Variants in TCERG1L observed in about 807,000 individuals in gnomAD.
TCERG1L encodes transcription elongation regulator 1-like protein.
Under a neutral mutation model 56.3 loss-of-function variants are expected in TCERG1L, and 37 were observed. The ratio of observed to expected loss-of-function variants is 0.66; its 90% CI spans 0.51 to 0.87. The LOEUF (loss-of-function observed/expected upper bound fraction) is 0.87, where lower values mean the gene tolerates loss of function less well. TCERG1L is among the 40% of genes least tolerant of loss of function. The pLI, the probability that TCERG1L is intolerant of heterozygous loss-of-function variation, is 0.00. For synonymous variants in TCERG1L, 324 were observed against 326.3 expected, an observed-to-expected ratio of 0.99 and a Z score of 0.08; for missense variants, 799 against 774.2, an observed-to-expected ratio of 1.03 and a Z score of -0.38.
chr10:131,177,100 GCACA>G (rs1276473585), intron 4 of TCERG1L, among the ~76,000 whole-genome samples: 10 of 146,644 alleles, frequency 6.8e-5, no homozygotes, highest in South Asian at 2.3e-4. Context: ...ACAGACACAT[GCACA>G]CACAGACACG....
chr10:131,130,173 T>A (rs1418518855), intron 8 of TCERG1L, among the ~76,000 whole-genome samples: 1 of 151,878 alleles, frequency 6.6e-6, no homozygotes, highest in African/African-American at 2.4e-5. Flanking sequence ...AAGACGCATG[T>A]TACAAGGCGG....
intron 9 of TCERG1L, among the ~76,000 whole-genome samples, chr10:131,109,604 G>C (rs1589776769): frequency 6.6e-6 from 1 of 152,156 alleles, no homozygotes; most frequent in East Asian, 1.9e-4. Context: ...CGTGTTGCGG[G>C]TCCCTCACTG....
intron 4 of TCERG1L, among the ~76,000 whole-genome samples, chr10:131,252,427 C>G (rs970837927): frequency 1.3e-5 from 2 of 152,114 alleles, no homozygotes; most frequent in South Asian, 4.1e-4. Context: ...TTTCTCCCAC[C>G]CAGACCCCTG....
At chr10:131,165,626 T>G (rs1416975071) in intron 5 of TCERG1L, among the ~76,000 whole-genome samples, 1 of 152,200 alleles carries the variant, frequency 6.6e-6, no homozygotes, top group East Asian at 1.9e-4. Flanking sequence ...GGGGGGACTT[T>G]CATTATGAAG....
chr10:131,120,119 A>T (rs1269032723), intron 8 of TCERG1L, among the ~76,000 whole-genome samples: 2 of 151,774 alleles, frequency 1.3e-5, no homozygotes, highest in Admixed American at 6.6e-5. Context: ...CCCTTCCCCC[A>T]GCCTCTGAGC....
chr10:131,137,478 T>C (rs1845689206), intron 7 of TCERG1L, among the ~76,000 whole-genome samples: 1 of 152,172 alleles, frequency 6.6e-6, no homozygotes, highest in African/African-American at 2.4e-5. Flanking sequence ...CTCGTGGCGT[T>C]TGAAATCTTT....
intron 7 of TCERG1L, among the ~76,000 whole-genome samples, chr10:131,139,101 C>T (rs1213547275): frequency 1.3e-5 from 2 of 152,214 alleles, no homozygotes; most frequent in Non-Finnish European, 2.9e-5. Context: ...AGAATTAAGT[C>T]TCATGCTCTA....
At chr10:131,224,877 C>G (rs1024509498) in intron 4 of TCERG1L, among the ~76,000 whole-genome samples, 1 of 152,138 alleles carries the variant, frequency 6.6e-6, no homozygotes, top group African/African-American at 2.4e-5. Flanking sequence ...AATTAGCGTA[C>G]CTGGACGTTA....
At chr10:131,160,102 G>A (rs1845961619) in intron 6 of TCERG1L, among the ~76,000 whole-genome samples, 1 of 152,190 alleles carries the variant, frequency 6.6e-6, no homozygotes, top group Non-Finnish European at 1.5e-5. Flanking sequence ...GGTCCCAGCA[G>A]GCAAGCCTAG....
intron 3 of TCERG1L, among the ~76,000 whole-genome samples, chr10:131,300,526 A>G (rs534819363): frequency 3.3e-5 from 5 of 152,252 alleles, no homozygotes; most frequent in South Asian, 2.1e-4. Flanking sequence ...ATTTTTCATT[A>G]TGCCAGCTTT....
intron 8 of TCERG1L, among the ~76,000 whole-genome samples, chr10:131,130,116 TCA>T (rs906118065): frequency 2.0e-5 from 3 of 150,208 alleles, no homozygotes; most frequent in Non-Finnish European, 3.0e-5. Context: ...TTGAACGGAT[TCA>T]CAGTTCCACG....
chr10:131,310,505 C>T (rs1171257467), intron 1 of TCERG1L, among the ~76,000 whole-genome samples: 3 of 152,186 alleles, frequency 2.0e-5, no homozygotes, highest in Non-Finnish European at 4.4e-5. Flanking sequence ...GAGGTCAATC[C>T]TTGGAATAAA....
At chr10:131,147,074 C>G (rs753320707) in intron 6 of TCERG1L, among the ~76,000 whole-genome samples, 1 of 152,154 alleles carries the variant, frequency 6.6e-6, no homozygotes, top group African/African-American at 2.4e-5. Flanking sequence ...CTACACTTCC[C>G]CAGTTGAGCT....
intron 9 of TCERG1L, 51 bp downstream of exon 9, chr10:131,116,748 G>T: frequency 6.5e-7 from 1 of 1,541,112 alleles, no homozygotes; most frequent in East Asian, 2.4e-5. Flanking sequence ...CTCAGCTGCT[G>T]TTCCCCCGGG....
intron 4 of TCERG1L, among the ~76,000 whole-genome samples, chr10:131,247,996 C>CAT (rs1846057847): frequency 7.7e-6 from 1 of 129,678 alleles, no homozygotes; most frequent in Admixed American, 8.1e-5. Flanking sequence ...CTCAGGTGCA[C>CAT]ATACACACAC....
chr10:131,114,706 G>T (rs1845438484), intron 9 of TCERG1L, among the ~76,000 whole-genome samples: 1 of 152,164 alleles, frequency 6.6e-6, no homozygotes, highest in Admixed American at 6.5e-5. Flanking sequence ...CCCGGGAAGG[G>T]AAGGCCGGCC....
chr10:131,305,696 T>C (rs1316996258), intron 3 of TCERG1L, among the ~76,000 whole-genome samples: 1 of 152,076 alleles, frequency 6.6e-6, no homozygotes, highest in Non-Finnish European at 1.5e-5. Flanking sequence ...TGAGTGAGTT[T>C]GATTCACTCT....
intron 4 of TCERG1L, among the ~76,000 whole-genome samples, chr10:131,197,722 G>C (rs1365220577): frequency 6.6e-6 from 1 of 152,146 alleles, no homozygotes; most frequent in Non-Finnish European, 1.5e-5. Context: ...CTGAGGTGAG[G>C]AGCCCTCTTT....
chr10:131,154,131 A>G (rs1288768999), intron 6 of TCERG1L, among the ~76,000 whole-genome samples: 4 of 152,170 alleles, frequency 2.6e-5, no homozygotes, highest in African/African-American at 7.2e-5. Context: ...GATACCTGCC[A>G]TATTCCCTCT....
Sources: allele counts gnomAD v4.1 joint callset (sites outside exome capture counted in the v4.1 genomes callset), GRCh38; gene constraint gnomAD v4.1.1; transcripts MANE v1.5; gene names NCBI Gene and HGNC (gene_info 2026-07-23, HGNC 2026-07-21).